SPATA22: variants seen among roughly 807,000 people sequenced by gnomAD.
SPATA22 encodes spermatogenesis associated 22, also known as spermatogenesis-associated protein 22.
A neutral mutation model predicts 47.8 loss-of-function variants in SPATA22; 29 were observed. The observed-to-expected ratio is 0.61, with a 90% CI of 0.45 to 0.83. The LOEUF is 0.83. Ranked by LOEUF, SPATA22 falls within the 40% of genes least tolerant of loss-of-function variation. The pLI, the probability that SPATA22 is intolerant of heterozygous loss-of-function variation, is 0.00. For missense variants in SPATA22, 410 were observed against 421.7 expected (o/e 0.97, Z 0.24); for synonymous variants, 133 against 140.9 (o/e 0.94, Z 0.40).
At chr17:3,442,861 C>T (rs1391693150) in intron 8 of SPATA22, among the ~76,000 whole-genome samples, 1 of 151,928 alleles carries the variant, frequency 6.6e-6, no homozygotes, top group Non-Finnish European at 1.5e-5. Flanking sequence ...GCACCCTGCA[C>T]ATACCTAGCT....
At chr17:3,510,250 T>C (rs2074094848) in intron 1 of SPATA22, among the ~76,000 whole-genome samples, 1 of 152,152 alleles carries the variant, frequency 6.6e-6, no homozygotes, top group Admixed American at 6.6e-5. Flanking sequence ...GTGAGTCTCC[T>C]TTTATTGAAA....
chr17:3,470,715 C>T (rs2073410944), intron 1 of SPATA22, among the ~76,000 whole-genome samples: 1 of 150,944 alleles, frequency 6.6e-6, no homozygotes, highest in Non-Finnish European at 1.5e-5. Flanking sequence ...CGTGCCGCTG[C>T]ACTCCAGCCT....
chr17:3,498,113 T>C (rs1042800383), intron 1 of SPATA22, among the ~76,000 whole-genome samples: 2 of 152,186 alleles, frequency 1.3e-5, no homozygotes, highest in African/African-American at 4.8e-5. Flanking sequence ...CCCGTCAGAA[T>C]AGAATCTCCT....
At chr17:3,469,423 C>T (rs932180749) in intron 1 of SPATA22, 25 bp from the exon 2 acceptor site, 4 of 902,278 alleles carry the variant, frequency 4.4e-6, no homozygotes, top group South Asian at 3.3e-5. Context: ...ACTTATAACT[C>T]GTATTGTCTC....
At position 3,504,309 on chromosome 17, in the gene SPATA22, T is replaced by C. The variant is rs192638586; in HGVS notation, c.-74+9103A>G. 6.8e-3 allele frequency among the ~76,000 whole-genome samples: 1,031 copies of C among 152,228 alleles called. 1 individual carries two copies. The highest frequency in any genetic ancestry group is 0.012 in the Non-Finnish European group (839 of 67,998). ...CTAGAAAGTGACCAATAGAGGTGAG[T>C]TGAATAAATGAGCATGCTCAAACAT... On this transcript the variant is annotated intron_variant, in intron 1 of 8. Coordinates refer to the SPATA22 transcript ENST00000541913.
chr17:3,494,576 A>G (rs1199200022), intron 1 of SPATA22: 2 of 843,764 alleles, frequency 2.4e-6, no homozygotes, highest in South Asian at 1.4e-5. Context: ...CTCATTAGAC[A>G]CTGAGTGTAG....
At position 3,449,030 on chromosome 17, in the gene SPATA22, G is replaced by C. The variant is rs779412398; in HGVS notation, c.449C>G (p.Ser150Trp). 2 of 1,613,732 alleles carry C rather than the reference G, an allele frequency of 1.2e-6. No individual in the cohort carries two copies. The highest frequency in any genetic ancestry group is 2.7e-5 in the African/African-American group (2 of 74,852). The change falls in exon 6 of 9, where the codon TCG (serine) becomes TGG (tryptophan). Residue 150 changes from serine to tryptophan, a missense_variant. Physicochemically the swap from Ser to Trp is radical, Grantham distance 177. Transcript: ENST00000572969. Reference protein sequence around the residue: ...NDGKNSCPVSSGAQQQKQLRI... With the variant: ...NDGKNSCPVSWGAQQQKQLRI... ...TAATTGTTTTTGTTGTTGAGCTCCC[G>C]AACTCACTGGACAAGAATTTTTTCC...
At chr17:3,505,931 T>C (rs377472334) in intron 1 of SPATA22, among the ~76,000 whole-genome samples, 19 of 152,248 alleles carry the variant, frequency 1.2e-4, no homozygotes, top group African/African-American at 4.1e-4. Flanking sequence ...CTAATTTTTA[T>C]ATTTTTAGTA....
Position 3,471,231 on chromosome 17 carries a change from T to C in SPATA22, c.-74+451A>G, listed in dbSNP as rs182996429. ...GGGAAAGGAAAGGAAAGGAAAATAT[T>C]CTTGGCGCCATCCTAGGAGCCACAA... is the stretch of plus-strand genomic sequence containing the variant. On this transcript the variant is annotated intron_variant, in intron 1 of 8. Coordinates refer to ENST00000572969, the MANE Select transcript of SPATA22 (RefSeq NM_001170698.2). Among the ~76,000 whole-genome samples, 519 of 152,108 alleles carry C rather than the reference T, an allele frequency of 3.4e-3. 2 individuals are homozygous for C. Among genetic ancestry groups the C allele is most frequent in the Middle Eastern group, 6.8e-3 (2 of 294 alleles).
At position 3,461,130 on chromosome 17, in the gene SPATA22, CAAGT is replaced by C. The variant is rs374006730; in HGVS notation, c.329+1349_329+1352del. 1.7e-3 allele frequency among the ~76,000 whole-genome samples: 260 copies of C among 152,270 alleles called. 9 individuals are homozygous for C. In the South Asian group the frequency reaches 0.049, roughly 28 times the overall value. ...AGGATGGCCAGTTAAATTTGCATTTCAAGTAAGTAACAAATTTTTGGTATAAGTA... is the reference window on the plus strand; with the variant it reads ...AGGATGGCCAGTTAAATTTGCATTTCAAGTAACAAATTTTTGGTATAAGTA... On this transcript the variant is annotated intron_variant, in intron 5 of 8. Coordinates refer to ENST00000572969, the MANE Select transcript of SPATA22 (RefSeq NM_001170698.2).
chr17:3,502,455 T>C (rs2074001490), intron 1 of SPATA22: 3 of 152,220 alleles, frequency 2.0e-5, no homozygotes, highest in African/African-American at 7.2e-5. Context: ...AATTGCTATT[T>C]TTTTCAATTT....
chr17:3,498,584 C>T (rs147640415), intron 1 of SPATA22, among the ~76,000 whole-genome samples: 31 of 152,222 alleles, frequency 2.0e-4, no homozygotes, highest in African/African-American at 7.0e-4. Context: ...TAGGCTCAAG[C>T]GATCCACCCA....
In SPATA22 at chr17:3,485,076, T is replaced by C. The variant is rs1029647240; in HGVS notation, c.-73-15678A>G. ...ACTCTGTTGCCCAGGCTGAGTGTAG[T>C]GGCACGATCACAGTTCACTGCAGCC... On this transcript the variant is annotated intron_variant, in intron 1 of 8. Transcript: ENST00000541913. This position sits in a 1 kb window ranked among gnomAD's most constrained non-coding sequence, Gnocchi z 4.4. 4.6e-5 allele frequency among the ~76,000 whole-genome samples: 7 copies of C among 152,142 alleles called. No individual in the cohort carries two copies. Among genetic ancestry groups the C allele is most frequent in the African/African-American group, 1.4e-4 (6 of 41,424 alleles).
intron 6 of SPATA22, among the ~76,000 whole-genome samples, chr17:3,448,397 C>T (rs1052489601): frequency 6.6e-6 from 1 of 152,198 alleles, no homozygotes; most frequent in Non-Finnish European, 1.5e-5. Flanking sequence ...TGCTGAGTAG[C>T]TGCAACAGAG....
At chr17:3,511,633 C>A (rs2074115423) in intron 1 of SPATA22, 1 of 152,164 alleles carries the variant, frequency 6.6e-6, no homozygotes, top group African/African-American at 2.4e-5. Context: ...AATGGTCTTG[C>A]CAACAAATTC....
At chr17:3,502,641 C>G (rs2074004441) in intron 1 of SPATA22, 1 of 152,238 alleles carries the variant, frequency 6.6e-6, no homozygotes, top group Non-Finnish European at 1.5e-5. Flanking sequence ...GGCCCTTTGT[C>G]CACAAACAGT....
chr17:3,483,380 T>C, intron 1 of SPATA22: 1 of 827,902 alleles, frequency 1.2e-6, no homozygotes, highest in Non-Finnish European at 2.1e-6. Context: ...TTCATAAAGC[T>C]GTCTTACCAA....
At chr17:3,486,933 G>T (rs1440816219) in intron 1 of SPATA22, among the ~76,000 whole-genome samples, 2 of 152,150 alleles carry the variant, frequency 1.3e-5, no homozygotes, top group East Asian at 1.9e-4. Context: ...GTCAGGGGTG[G>T]CGTTGAATGA....
At chr17:3,467,356 T>C (rs1203596019) in intron 3 of SPATA22, 70 bp downstream of exon 3, 16 of 1,232,914 alleles carry the variant, frequency 1.3e-5, no homozygotes, top group Non-Finnish European at 1.7e-5. Context: ...TTCATTATAA[T>C]ATAAATTACA....
Sources: allele counts gnomAD v4.1 joint callset (sites outside exome capture counted in the v4.1 genomes callset), GRCh38; gene constraint gnomAD v4.1.1; non-coding constraint Gnocchi (gnomAD v3.1); transcripts MANE v1.5; gene names NCBI Gene and HGNC (gene_info 2026-07-23, HGNC 2026-07-21).